Variants in DYNC2H1 observed in about 807,000 individuals in gnomAD.
DYNC2H1 encodes the protein cytoplasmic dynein 2 heavy chain 1.
DYNC2H1 carries 410 observed loss-of-function variants against 570.0 expected under a neutral mutation model. That is an observed-to-expected ratio of 0.72 (90% CI 0.66 to 0.78). DYNC2H1 has a LOEUF of 0.78. Among genes scored for constraint, DYNC2H1 ranks in the 30% least tolerant of loss-of-function variants. The pLI, the probability that DYNC2H1 is intolerant of heterozygous loss-of-function variation, is 0.00. For missense variants in DYNC2H1, 4,865 were observed against 5,046.4 expected (o/e 0.96, Z 1.09); for synonymous variants, 1,688 against 1,677.6 (o/e 1.01, Z -0.15).
At chr11:103,188,886 G>C (rs1330739694) in intron 44 of DYNC2H1, among the ~76,000 whole-genome samples, 1 of 152,030 alleles carries the variant, frequency 6.6e-6, no homozygotes, top group East Asian at 1.9e-4. Flanking sequence ...AAACTGTTTT[G>C]TGTAGTCTGT....
rs746421306 is a variant in DYNC2H1, at chr11:103,173,280, T to C, written c.5533T>C (p.Leu1845=). The C allele has an allele frequency of 6.4e-7, 1 of 1,574,520 alleles. No homozygotes were observed. The highest frequency in any genetic ancestry group is 1.2e-5 in the South Asian group (1 of 83,518). Residue 1845 remains leucine (L), a synonymous_variant, in exon 35 of 89, where the codon TTG becomes CTG. Transcript: ENST00000375735. The stretch of plus-strand genomic sequence containing the variant: ...AGACGCTAAAGTATTGAGCAGAAAA[T>C]TGGTAGCTATTTTCAATCTATCTAG... The part of the protein sequence containing the change: ...FKDAKVLSRK[L]VAIFNLSREL...
At chr11:103,148,457 T>G (rs1468148440) in intron 19 of DYNC2H1, 33 bp from the exon 20 acceptor site, 6 of 1,539,792 alleles carry the variant, frequency 3.9e-6, no homozygotes, top group East Asian at 2.4e-5. Context: ...TGGTAATAAT[T>G]AACATTTCTT....
At chr11:103,122,358 G>A (rs986972280) in intron 10 of DYNC2H1, among the ~76,000 whole-genome samples, 11 of 152,138 alleles carry the variant, frequency 7.2e-5, no homozygotes, top group Non-Finnish European at 1.2e-4. Flanking sequence ...GTTTTCCAGG[G>A]TGCTCTAATG....
chr11:103,412,044 C>G (rs909856024), intron 84 of DYNC2H1, among the ~76,000 whole-genome samples: 23 of 152,080 alleles, frequency 1.5e-4, no homozygotes, highest in Non-Finnish European at 2.8e-4. Context: ...CTGACTTTCA[C>G]TAAGATCAGA....
At chr11:103,110,950 C>G (rs1023965298) in intron 1 of DYNC2H1, among the ~76,000 whole-genome samples, 1 of 152,120 alleles carries the variant, frequency 6.6e-6, no homozygotes, top group African/African-American at 2.4e-5. Flanking sequence ...CACAGCCTCC[C>G]AAGTAGCTGG....
rs527508759 is a variant in DYNC2H1, at chr11:103,109,497, T to A, written c.-78T>A. The A allele has an allele frequency of 1.2e-4, 168 of 1,398,744 alleles. No individual in the cohort carries two copies. The African/African-American group carries it at 2.2e-3, about 18-fold the overall frequency. The allele number at this position is 1,398,744 out of a possible 1,614,324, so 86.6% of individuals were successfully genotyped here. On this transcript the variant is annotated 5_prime_UTR_variant, in exon 1 of 89. Coordinates refer to ENST00000375735, the MANE Select transcript of DYNC2H1 (RefSeq NM_001377.3). ...GGGCTACGGGTTTGAGCAAAGCTCC[T>A]CTCTTCCCTTCACTTCCCTCCGGAC...
intron 85 of DYNC2H1, among the ~76,000 whole-genome samples, chr11:103,441,110 C>T (rs766964709): frequency 1.3e-5 from 2 of 152,112 alleles, no homozygotes; most frequent in Non-Finnish European, 2.9e-5. Context: ...GCCCCATTAT[C>T]TCTCTGCTTT....
chr11:103,258,486 T>A (rs1279168849), intron 69 of DYNC2H1, among the ~76,000 whole-genome samples: 1 of 152,190 alleles, frequency 6.6e-6, no homozygotes, highest in African/African-American at 2.4e-5. Flanking sequence ...ACTTTGTTTG[T>A]TTCACAACGT....
intron 36 of DYNC2H1, 54 bp from the exon 37 acceptor site, chr11:103,176,181 T>C (rs1861799430): frequency 7.3e-7 from 1 of 1,378,884 alleles, no homozygotes; most frequent in Non-Finnish European, 9.5e-7. Context: ...ATTTAAAAAC[T>C]TTTTTCATCA....
chr11:103,207,244 A>ATTTT (rs1565396142), intron 52 of DYNC2H1, among the ~76,000 whole-genome samples: 1 of 7,036 alleles, frequency 1.4e-4, no homozygotes, highest in Admixed American at 2.0e-3. Flanking sequence ...TTTTTTTTTA[A>ATTTT]AAAAAGATGG....
chr11:103,297,433 G>A (rs1021197120), intron 75 of DYNC2H1, among the ~76,000 whole-genome samples: 8 of 152,056 alleles, frequency 5.3e-5, no homozygotes, highest in Admixed American at 5.2e-4. Flanking sequence ...TCTAAGAAAT[G>A]TGTCAGGCAG....
intron 6 of DYNC2H1, 112 bp downstream of exon 6, chr11:103,117,975 T>G: frequency 1.1e-6 from 1 of 878,172 alleles, no homozygotes; most frequent in Non-Finnish European, 1.6e-6. Context: ...AAATTAGTTT[T>G]GTGAGAGAAT....
intron 84 of DYNC2H1, among the ~76,000 whole-genome samples, chr11:103,428,724 A>C (rs1943773226): frequency 6.6e-6 from 1 of 152,132 alleles, no homozygotes; most frequent in African/African-American, 2.4e-5. Flanking sequence ...TTTAAGTGGA[A>C]TCATAACAGT....
intron 88 of DYNC2H1, among the ~76,000 whole-genome samples, chr11:103,473,682 G>C (rs1945462884): frequency 6.6e-6 from 1 of 152,074 alleles, no homozygotes; most frequent in Non-Finnish European, 1.5e-5. Context: ...GTATGATTTG[G>C]TCAACACTGC....
At chr11:103,236,193 T>G (rs1050367339) in intron 62 of DYNC2H1, among the ~76,000 whole-genome samples, 21 of 151,970 alleles carry the variant, frequency 1.4e-4, no homozygotes, top group African/African-American at 2.2e-4. Flanking sequence ...TACAAAATTA[T>G]TTTAGTTTGT....
chr11:103,151,337 G>A lies in DYNC2H1; in HGVS notation c.2947-799G>A, dbSNP rs1015973903. ...AGGTTAATCTTAATCCCCTCGCCTC[G>A]GCCTCCCAAAGTGCTAGGATTACAG... is the stretch of plus-strand genomic sequence containing the variant. On this transcript the variant is annotated intron_variant, in intron 20 of 88. Transcript: ENST00000375735. The surrounding 1 kb of genome is among the most constrained non-coding windows in gnomAD (Gnocchi z 4.6). Among the ~76,000 whole-genome samples the A allele has an allele frequency of 2.6e-5, 4 of 152,032 alleles. No individual in the cohort carries two copies. In the East Asian group the frequency reaches 5.8e-4, roughly 22 times the overall value.
intron 85 of DYNC2H1, among the ~76,000 whole-genome samples, chr11:103,441,517 T>C (rs1429209555): frequency 1.3e-5 from 2 of 152,182 alleles, no homozygotes; most frequent in Non-Finnish European, 2.9e-5. Context: ...GATTTTTGTC[T>C]GTTTACTGCC....
chr11:103,186,254 G>T lies in DYNC2H1; in HGVS notation c.6646G>T (p.Ala2216Ser), dbSNP rs1371651415. ...TTTTCCTCTTAAGGTTTTTCATTGG[G>T]CACGAGAATCTCCTCCAGACTTTCA... ...LEFTKEVFHW[A>S]RESPPDFHKP... is the part of the protein sequence containing the mutation. The change falls in exon 42 of 89, where the codon GCA (alanine) becomes TCA (serine). Residue 2216 changes from alanine (A) to serine (S), a missense_variant. This residue lies in a region of DYNC2H1 where 231 missense variants were observed against 310.3 expected (regional missense o/e 0.74). Coordinates refer to ENST00000375735, the MANE Select transcript of DYNC2H1 (RefSeq NM_001377.3). This position sits in a 1 kb window ranked among gnomAD's most constrained non-coding sequence, Gnocchi z 4.5. 6.2e-7 allele frequency: 1 copy of T among 1,610,032 alleles called. No individual in the cohort carries two copies. Among genetic ancestry groups the T allele is most frequent in the African/African-American group, 1.3e-5 (1 of 74,734 alleles).
At chr11:103,123,795 C>T (rs1858845938) in intron 11 of DYNC2H1, among the ~76,000 whole-genome samples, 1 of 149,524 alleles carries the variant, frequency 6.7e-6, no homozygotes, top group Non-Finnish European at 1.5e-5. Context: ...CACAGCGTTT[C>T]TCATTAGGCT....
Sources: allele counts gnomAD v4.1 joint callset (sites outside exome capture counted in the v4.1 genomes callset), GRCh38; gene constraint gnomAD v4.1.1; regional missense constraint gnomAD v4.1.1; non-coding constraint Gnocchi (gnomAD v3.1); transcripts MANE v1.5; gene names NCBI Gene and HGNC (gene_info 2026-07-23, HGNC 2026-07-21).